The following DCT variants were observed in gnomAD, a reference collection of about 807,000 sequenced individuals.
DCT encodes L-dopachrome tautomerase.
In DCT, 47 loss-of-function variants were observed where a neutral mutation model predicts 53.0. The ratio of observed to expected loss-of-function variants is 0.89; its 90% CI spans 0.70 to 1.13. DCT has a LOEUF of 1.13. Among genes scored for constraint, DCT ranks in the 50% most tolerant of loss-of-function variants. The pLI is 0.00. For synonymous variants in DCT, 244 were observed against 237.0 expected, an observed-to-expected ratio of 1.03 and a Z score of -0.27; for missense variants, 669 against 637.4, an observed-to-expected ratio of 1.05 and a Z score of -0.53.
the DCT span, among the ~76,000 whole-genome samples, chr13:94,533,840 C>A: frequency 6.4e-3 from 977 of 152,182 alleles, 17 homozygotes; most frequent in African/African-American, 0.022. Context: ...TTAGAATTGG[C>A]CAGTAGGTCA....
At chr13:94,448,674 G>A (rs1280202498) in intron 6 of DCT, among the ~76,000 whole-genome samples, 6 of 152,120 alleles carry the variant, frequency 3.9e-5, no homozygotes, top group African/African-American at 1.2e-4. Flanking sequence ...AGACTGAGGT[G>A]GGAGGATCAC....
the DCT span, among the ~76,000 whole-genome samples, chr13:94,488,467 C>T: frequency 6.6e-6 from 1 of 152,034 alleles, no homozygotes; most frequent in Non-Finnish European, 1.5e-5. Flanking sequence ...GTAATCTCGG[C>T]ACTTTGGGAG....
chr13:94,444,430 A>C (rs1173904146), intron 6 of DCT: 1 of 516,368 alleles, frequency 1.9e-6, no homozygotes, highest in Non-Finnish European at 3.9e-6. Context: ...TGCCAGCAAA[A>C]GAAAGTCTAA....
At chr13:94,472,527 T>C (rs1397720744) in intron 1 of DCT, among the ~76,000 whole-genome samples, 8 of 7,122 alleles carry the variant, frequency 1.1e-3, no homozygotes, top group African/African-American at 5.3e-3. Context: ...CATACATATA[T>C]ATATATATAT....
At chr13:94,541,030 C>T in the DCT span, among the ~76,000 whole-genome samples, 6 of 152,148 alleles carry the variant, frequency 3.9e-5, no homozygotes, top group Non-Finnish European at 8.8e-5. Context: ...AGTGAAATAT[C>T]ACAGGCACAG....
intron 4 of DCT, among the ~76,000 whole-genome samples, chr13:94,463,141 T>C (rs1454143492): frequency 6.6e-6 from 1 of 152,182 alleles, no homozygotes; most frequent in African/African-American, 2.4e-5. Flanking sequence ...ATTTAGTTTT[T>C]CTTTTTTAAT....
chr13:94,519,641 G>T, the DCT span, among the ~76,000 whole-genome samples: 6 of 152,216 alleles, frequency 3.9e-5, no homozygotes, highest in African/African-American at 1.4e-4. Flanking sequence ...ATCCAACCAT[G>T]CTCAGCTTTC....
rs1237819213 is a variant in DCT, at chr13:94,466,008, ATATATAT to A, written c.697-216_697-210del. ...TATATATATATATATATATATATATATATATATATATATATACTGTGTACAATGGAGT... is the reference window on the plus strand; with the variant it reads ...TATATATATATATATATATATATATAATATATATACTGTGTACAATGGAGT... On this transcript the variant is annotated intron_variant, in intron 3 of 7. Coordinates refer to ENST00000377028, the MANE Select transcript of DCT (RefSeq NM_001922.5). 1.7e-4 allele frequency among the ~76,000 whole-genome samples: 9 copies of A among 51,600 alleles called. No individual in the cohort carries two copies. The South Asian group carries it at 1.9e-3, about 11-fold the overall frequency. The allele number at this position is 51,600 out of a possible 152,430, so 33.9% of individuals were successfully genotyped here. A position where few individuals can be genotyped will look rare whatever the true frequency, so the allele number is the denominator to read the frequency against.
At chr13:94,465,519 G>T in intron 4 of DCT, 114 bp downstream of exon 4, 2 of 901,230 alleles carry the variant, frequency 2.2e-6, no homozygotes, top group Non-Finnish European at 3.1e-6. Context: ...TTAGAAACAT[G>T]TAAATAGGAC....
At chr13:94,543,245 T>C in the DCT span, among the ~76,000 whole-genome samples, 1 of 152,106 alleles carries the variant, frequency 6.6e-6, no homozygotes, top group African/African-American at 2.4e-5. Flanking sequence ...GGTAATAGAA[T>C]TCATCCGGTG....
chr13:94,449,164 G>C (rs1882928576), intron 6 of DCT, among the ~76,000 whole-genome samples: 1 of 151,446 alleles, frequency 6.6e-6, no homozygotes. Flanking sequence ...TCAAGGTAAA[G>C]ATTTTTCATG....
intron 1 of DCT, among the ~76,000 whole-genome samples, chr13:94,471,971 A>C (rs1006000503): frequency 6.6e-6 from 1 of 152,182 alleles, no homozygotes; most frequent in Non-Finnish European, 1.5e-5. Context: ...CCCAATTTCA[A>C]TGTGAATCCA....
chr13:94,524,149 G>A, the DCT span, among the ~76,000 whole-genome samples: 101 of 152,112 alleles, frequency 6.6e-4, 1 homozygote, highest in Non-Finnish European at 1.1e-3. Context: ...AGCTATGACC[G>A]GGGTGTAGAA....
chr13:94,532,297 G>C, the DCT span, among the ~76,000 whole-genome samples: 1 of 152,154 alleles, frequency 6.6e-6, no homozygotes, highest in Non-Finnish European at 1.5e-5. Flanking sequence ...TATATACCCA[G>C]AGGATTATAA....
the DCT span, among the ~76,000 whole-genome samples, chr13:94,526,187 T>C: frequency 6.6e-6 from 1 of 152,244 alleles, no homozygotes; most frequent in Non-Finnish European, 1.5e-5. Context: ...ACTCACTGTA[T>C]GCCCACTCAT....
At chr13:94,496,983 C>T in the DCT span, among the ~76,000 whole-genome samples, 1 of 152,230 alleles carries the variant, frequency 6.6e-6, no homozygotes, top group Non-Finnish European at 1.5e-5. Flanking sequence ...AATTGTGTCT[C>T]ATAAATGTTC....
In DCT at chr13:94,468,753, T is replaced by C. The variant is rs1482569719; in HGVS notation, c.588A>G (p.Thr196=). Residue 196 remains threonine, a synonymous_variant, in exon 2 of 8, where the codon ACA becomes ACG. Coordinates refer to ENST00000377028, the MANE Select transcript of DCT (RefSeq NM_001922.5). ...VWLHYYSVRD[T]LLGPGRPYRA... is the part of the protein sequence containing the mutation. The stretch of plus-strand genomic sequence containing the variant: ...GCCAAGGAAAAAACCCACCTAATAA[T>C]GTATCTCTAACAGAATAATAATGGA... The C allele has an allele frequency of 6.2e-7, 1 of 1,612,500 alleles. No individual in the cohort carries two copies. The highest frequency in any genetic ancestry group is 1.3e-5 in the African/African-American group (1 of 74,784).
At chr13:94,472,881 C>T (rs1181083296) in intron 1 of DCT, among the ~76,000 whole-genome samples, 2 of 151,870 alleles carry the variant, frequency 1.3e-5, no homozygotes, top group Non-Finnish European at 2.9e-5. Context: ...CGCACCCTGC[C>T]GTGAGTTCTA....
chr13:94,488,524 C>T, the DCT span, among the ~76,000 whole-genome samples: 2 of 151,782 alleles, frequency 1.3e-5, no homozygotes, highest in Non-Finnish European at 2.9e-5. Context: ...AGACCAGCCT[C>T]GGCAACATGG....
Sources: allele counts gnomAD v4.1 joint callset (sites outside exome capture counted in the v4.1 genomes callset), GRCh38; gene constraint gnomAD v4.1.1; transcripts MANE v1.5; gene names NCBI Gene and HGNC (gene_info 2026-07-23, HGNC 2026-07-21).